Variants in SCHIP1 observed in about 807,000 individuals in gnomAD.
The protein encoded by SCHIP1 is schwannomin-interacting protein 1.
In SCHIP1, 8 loss-of-function variants were observed where a neutral mutation model predicts 29.7. The observed-to-expected ratio is 0.27, with a 90% CI of 0.16 to 0.49. SCHIP1 has a LOEUF of 0.49. SCHIP1 is among the 20% of genes least tolerant of loss of function. The pLI, the probability that SCHIP1 is intolerant of heterozygous loss-of-function variation, is 0.99. For synonymous variants in SCHIP1, 76 were observed against 94.9 expected (o/e 0.80, Z 1.16); for missense variants, 193 against 294.6 (o/e 0.66, Z 2.52).
the SCHIP1 span, among the ~76,000 whole-genome samples, chr3:159,668,238 G>A: frequency 1.3e-5 from 2 of 151,970 alleles, no homozygotes; most frequent in African/African-American, 4.8e-5. Context: ...TTAGCCGGGC[G>A]TGGTGGCAGG....
the SCHIP1 span, among the ~76,000 whole-genome samples, chr3:159,440,322 G>A: frequency 0.26 from 40,077 of 151,944 alleles, 6,719 homozygotes; most frequent in African/African-American, 0.48. Flanking sequence ...GCCCTATAAT[G>A]TAGTTGGAAG....
chr3:159,394,895 A>G, the SCHIP1 span, among the ~76,000 whole-genome samples: 3 of 152,162 alleles, frequency 2.0e-5, no homozygotes, highest in African/African-American at 7.2e-5. Context: ...GAATGGTACC[A>G]GTTCCTCCTT....
At chr3:159,563,915 G>A in the SCHIP1 span, among the ~76,000 whole-genome samples, 2 of 152,038 alleles carry the variant, frequency 1.3e-5, no homozygotes, top group Admixed American at 6.6e-5. Flanking sequence ...ACATGAGAAC[G>A]TACCTTCTCT....
intron 1 of SCHIP1, among the ~76,000 whole-genome samples, chr3:159,864,418 T>TA (rs923694906): frequency 4.7e-5 from 7 of 149,476 alleles, no homozygotes; most frequent in Non-Finnish European, 7.4e-5. Flanking sequence ...TTCACATCTG[T>TA]AAAAAAAACA....
chr3:159,506,896 A>G, the SCHIP1 span, among the ~76,000 whole-genome samples: 1 of 152,226 alleles, frequency 6.6e-6, no homozygotes, highest in Non-Finnish European at 1.5e-5. Flanking sequence ...GAAGTCAGGT[A>G]GCGTGATGCC....
chr3:159,513,886 T>C, the SCHIP1 span, among the ~76,000 whole-genome samples: 2 of 152,322 alleles, frequency 1.3e-5, no homozygotes, highest in Middle Eastern at 6.8e-3. Flanking sequence ...TTGCCACTAG[T>C]GCAATGTTCC....
the SCHIP1 span, among the ~76,000 whole-genome samples, chr3:159,513,192 A>G: frequency 6.6e-6 from 1 of 152,220 alleles, no homozygotes; most frequent in Non-Finnish European, 1.5e-5. Context: ...TAAATTCACA[A>G]TTGTGGTTAC....
chr3:159,719,833 C>T, the SCHIP1 span, among the ~76,000 whole-genome samples: 1 of 152,206 alleles, frequency 6.6e-6, no homozygotes, highest in East Asian at 1.9e-4. Context: ...TGAGATTCCT[C>T]AAGGATCTAG....
At chr3:159,462,718 C>T in the SCHIP1 span, among the ~76,000 whole-genome samples, 7 of 152,072 alleles carry the variant, frequency 4.6e-5, no homozygotes, top group African/African-American at 9.7e-5. Context: ...ATTGTTCCCT[C>T]GGGAACTTTT....
At chr3:159,658,294 A>C in the SCHIP1 span, among the ~76,000 whole-genome samples, 1 of 152,178 alleles carries the variant, frequency 6.6e-6, no homozygotes, top group African/African-American at 2.4e-5. Flanking sequence ...GTCACTTCCA[A>C]ATCTGAGGCT....
the SCHIP1 span, among the ~76,000 whole-genome samples, chr3:159,559,750 C>A: frequency 2.0e-5 from 3 of 152,074 alleles, no homozygotes; most frequent in African/African-American, 7.2e-5. Flanking sequence ...CAATTCCCAC[C>A]CTTCAATCTC....
the SCHIP1 span, among the ~76,000 whole-genome samples, chr3:159,718,465 T>C: frequency 2.0e-5 from 3 of 152,212 alleles, no homozygotes; most frequent in East Asian, 1.9e-4. Flanking sequence ...GATGACATGA[T>C]TGTATATTTA....
At chr3:159,749,549 G>A in the SCHIP1 span, among the ~76,000 whole-genome samples, 2 of 152,076 alleles carry the variant, frequency 1.3e-5, no homozygotes, top group Admixed American at 6.5e-5. Context: ...ACTAGGTCGC[G>A]CTTTAGGTTG....
At chr3:159,376,975 A>G in the SCHIP1 span, among the ~76,000 whole-genome samples, 3 of 152,204 alleles carry the variant, frequency 2.0e-5, no homozygotes, top group African/African-American at 7.2e-5. Flanking sequence ...GTAAGCTTGG[A>G]TTCTCTCTTC....
intron 1 of SCHIP1, among the ~76,000 whole-genome samples, chr3:159,847,586 T>C (rs1184709770): frequency 1.3e-5 from 2 of 152,150 alleles, no homozygotes; most frequent in East Asian, 3.9e-4. Flanking sequence ...GACATTAAAA[T>C]TGGTTCCACT....
At chr3:159,838,115 C>T (rs1350386863), upstream of SCHIP1, among the ~76,000 whole-genome samples, 1 of 152,184 alleles carries the variant, frequency 6.6e-6, no homozygotes. Context: ...GCCATCTTTT[C>T]GTTCTCCTCA....
chr3:159,847,735 AC>A (rs1712027368), intron 1 of SCHIP1, among the ~76,000 whole-genome samples: 1 of 152,176 alleles, frequency 6.6e-6, no homozygotes, highest in Non-Finnish European at 1.5e-5. Flanking sequence ...TACTCCCAGC[AC>A]TGCCACCTCC....
At chr3:159,304,858 C>A in the SCHIP1 span, among the ~76,000 whole-genome samples, 4 of 152,062 alleles carry the variant, frequency 2.6e-5, no homozygotes, top group Admixed American at 6.6e-5. Flanking sequence ...TGGGTTTGAC[C>A]AAAATCTTTA....
the SCHIP1 span, among the ~76,000 whole-genome samples, chr3:159,558,835 T>C: frequency 1.3e-5 from 2 of 152,148 alleles, no homozygotes; most frequent in Non-Finnish European, 2.9e-5. Context: ...CCTGTCTCCA[T>C]TGTAATCCCA....
Sources: allele counts gnomAD v4.1 joint callset (sites outside exome capture counted in the v4.1 genomes callset), GRCh38; gene constraint gnomAD v4.1.1; transcripts MANE v1.5; gene names NCBI Gene and HGNC (gene_info 2026-07-23, HGNC 2026-07-21).